Variants in DOCK3 observed in about 807,000 individuals in gnomAD.
DOCK3 encodes the protein dedicator of cytokinesis protein 3.
In DOCK3, 60 loss-of-function variants were observed where a neutral mutation model predicts 265.6. The observed-to-expected ratio is 0.23, with a 90% CI of 0.18 to 0.28. The LOEUF is 0.28. Ranked by LOEUF, DOCK3 falls within the 10% of genes least tolerant of loss-of-function variation. The pLI is 1.00. For missense variants in DOCK3, 1,981 were observed against 2,594.3 expected (o/e 0.76, Z 5.14); for synonymous variants, 881 against 938.0 (o/e 0.94, Z 1.11).
intron 33 of DOCK3, among the ~76,000 whole-genome samples, chr3:51,331,252 G>C (rs554745134): frequency 2.6e-5 from 4 of 152,258 alleles, no homozygotes; most frequent in African/African-American, 9.6e-5. Context: ...TTCTTGAGGA[G>C]TCATGAGGTA....
chr3:50,729,042 C>T (rs1395580881), intron 1 of DOCK3, among the ~76,000 whole-genome samples: 3 of 136,050 alleles, frequency 2.2e-5, no homozygotes, highest in Non-Finnish European at 3.2e-5. Flanking sequence ...TTTTTTTGGC[C>T]AGGCACGGTG....
At position 51,320,860 on chromosome 3, in the gene DOCK3, G is replaced by A. The variant is rs2083674710; in HGVS notation, c.3402+5732G>A. ...TATAGATAAAACCCCCATCTCCCTG[G>A]GACAGAGCACCTGGGGGAAGGGGCA... On this transcript the variant is annotated intron_variant, in intron 32 of 52. Coordinates refer to ENST00000266037, the MANE Select transcript of DOCK3 (RefSeq NM_004947.5). 2.0e-5 allele frequency among the ~76,000 whole-genome samples: 3 copies of A among 152,300 alleles called. No homozygotes were observed. In the South Asian group the frequency reaches 6.2e-4, roughly 32 times the overall value.
In DOCK3 at chr3:51,202,842, G is replaced by T. The variant is rs201379736; in HGVS notation, c.1038-5932G>T. On this transcript the variant is annotated intron_variant, in intron 12 of 52. Coordinates refer to ENST00000266037, the MANE Select transcript of DOCK3 (RefSeq NM_004947.5). Reference sequence around the variant, plus strand: ...ACCATGATCAAGTGGGCTTCATGCTGGGATGCAAGGCTGGTTCAATATACA... The same window carrying T: ...ACCATGATCAAGTGGGCTTCATGCTTGGATGCAAGGCTGGTTCAATATACA... Among the ~76,000 whole-genome samples the T allele has an allele frequency of 1.3e-3, 198 of 151,418 alleles. 3 individuals are homozygous for T. The East Asian group carries it at 0.034, about 26-fold the overall frequency.
chr3:51,069,972 G>A (rs928778831), intron 6 of DOCK3, among the ~76,000 whole-genome samples: 2 of 152,160 alleles, frequency 1.3e-5, no homozygotes, highest in Non-Finnish European at 2.9e-5. Flanking sequence ...GTACCTGGTG[G>A]TGTGCTCACT....
At chr3:50,766,377 G>A (rs1471853184) in intron 1 of DOCK3, among the ~76,000 whole-genome samples, 3 of 150,076 alleles carry the variant, frequency 2.0e-5, no homozygotes, top group African/African-American at 4.9e-5. Context: ...GTGGTGTTTG[G>A]TTTTTTGTCC....
intron 3 of DOCK3, among the ~76,000 whole-genome samples, chr3:50,868,687 G>A (rs930033287): frequency 6.6e-6 from 1 of 151,820 alleles, no homozygotes; most frequent in Non-Finnish European, 1.5e-5. Context: ...TTTTTATTAT[G>A]GCTTTTATCT....
intron 12 of DOCK3, among the ~76,000 whole-genome samples, chr3:51,204,302 C>T (rs1232763509): frequency 6.9e-6 from 1 of 144,836 alleles, no homozygotes; most frequent in African/African-American, 2.6e-5. Flanking sequence ...CTACAATGAA[C>T]TCAAACAAAT....
chr3:50,681,561 A>T (rs2034412722), intron 1 of DOCK3, among the ~76,000 whole-genome samples: 1 of 152,080 alleles, frequency 6.6e-6, no homozygotes, highest in Non-Finnish European at 1.5e-5. Flanking sequence ...AGAAGCAAGC[A>T]TTTTTTTCAC....
chr3:51,087,181 A>AG (rs2082458982), intron 7 of DOCK3, among the ~76,000 whole-genome samples: 1 of 152,230 alleles, frequency 6.6e-6, no homozygotes, highest in African/African-American at 2.4e-5. Context: ...ACAAGAAAAA[A>AG]AAGATGGGCC....
intron 9 of DOCK3, among the ~76,000 whole-genome samples, chr3:51,131,937 A>G (rs185464392): frequency 2.0e-5 from 3 of 152,296 alleles, no homozygotes; most frequent in African/African-American, 7.2e-5. Context: ...TGTTGCCCTC[A>G]CAAATCTGTT....
intron 1 of DOCK3, among the ~76,000 whole-genome samples, chr3:50,709,926 A>T (rs919101717): frequency 6.6e-5 from 10 of 152,174 alleles, no homozygotes; most frequent in African/African-American, 1.9e-4. Flanking sequence ...GAAGCTGGGC[A>T]TGCTGATGTT....
intron 9 of DOCK3, among the ~76,000 whole-genome samples, chr3:51,120,022 A>G (rs907022431): frequency 6.6e-6 from 1 of 151,850 alleles, no homozygotes; most frequent in African/African-American, 2.4e-5. Context: ...AGGAGTTGTG[A>G]TCCTTTGGAG....
intron 4 of DOCK3, among the ~76,000 whole-genome samples, chr3:50,921,219 T>C (rs1171957124): frequency 6.6e-6 from 1 of 152,148 alleles, no homozygotes; most frequent in Non-Finnish European, 1.5e-5. Context: ...TTTCACACAG[T>C]CCCATATTTA....
chr3:51,254,237 T>C (rs925461195), intron 22 of DOCK3, among the ~76,000 whole-genome samples: 4 of 152,208 alleles, frequency 2.6e-5, no homozygotes, highest in South Asian at 2.1e-4. Flanking sequence ...AGAGACAGTT[T>C]GTTAAAATTT....
intron 1 of DOCK3, among the ~76,000 whole-genome samples, chr3:50,730,618 A>G (rs1262873734): frequency 6.7e-6 from 1 of 150,092 alleles, no homozygotes; most frequent in Admixed American, 6.6e-5. Flanking sequence ...TCTTGAGGCC[A>G]AGAGTTTGAG....
intron 2 of DOCK3, among the ~76,000 whole-genome samples, chr3:50,839,090 T>C (rs2045674410): frequency 6.6e-6 from 1 of 152,206 alleles, no homozygotes; most frequent in Admixed American, 6.5e-5. Context: ...ACATTTGCAT[T>C]ATCATTATAT....
At chr3:50,722,501 A>G (rs143533259) in intron 1 of DOCK3, among the ~76,000 whole-genome samples, 8 of 152,316 alleles carry the variant, frequency 5.3e-5, no homozygotes, top group Admixed American at 4.6e-4. Context: ...CATCTTAAGT[A>G]CGTGTTAGAA....
At chr3:50,690,616 C>CGTTT (rs1358332023) in intron 1 of DOCK3, among the ~76,000 whole-genome samples, 122 of 152,016 alleles carry the variant, frequency 8.0e-4, no homozygotes, top group African/African-American at 2.7e-3. Context: ...TTCATTCATT[C>CGTTT]GTTCGTTCGT....
intron 2 of DOCK3, among the ~76,000 whole-genome samples, chr3:50,821,361 G>A (rs997240521): frequency 1.3e-5 from 2 of 151,530 alleles, no homozygotes; most frequent in South Asian, 2.1e-4. Context: ...GTGCAGTGGC[G>A]TGATCTCAGC....
Sources: allele counts gnomAD v4.1 joint callset (sites outside exome capture counted in the v4.1 genomes callset), GRCh38; gene constraint gnomAD v4.1.1; transcripts MANE v1.5; gene names NCBI Gene and HGNC (gene_info 2026-07-23, HGNC 2026-07-21).